Variants in STAG1 observed in about 807,000 individuals in gnomAD.
STAG1 encodes the protein STAG1 cohesin complex component.
In STAG1, 26 loss-of-function variants were observed where a neutral mutation model predicts 170.9. The observed-to-expected ratio is 0.15, with a 90% CI of 0.11 to 0.21. The LOEUF (loss-of-function observed/expected upper bound fraction) is 0.21, where lower values mean the gene tolerates loss of function less well. Ranked by LOEUF, STAG1 falls within the 10% of genes least tolerant of loss-of-function variation. The pLI is 1.00. For synonymous variants in STAG1, 514 were observed against 497.7 expected (o/e 1.03, Z -0.44); for missense variants, 964 against 1,509.5 (o/e 0.64, Z 5.99).
In STAG1 at chr3:136,466,879, C is replaced by T. The variant is rs149100486; in HGVS notation, c.1206-1891G>A. On this transcript the variant is annotated intron_variant, in intron 12 of 33. Coordinates refer to ENST00000383202, the MANE Select transcript of STAG1 (RefSeq NM_005862.3). ...TTCTTCAAGAAAAGAATTTTCAACC[C>T]AGAATTTCATATGCAGCCAAACTAA... Among the ~76,000 whole-genome samples the T allele has an allele frequency of 7.7e-3, 1,170 of 152,304 alleles. 19 individuals carry two copies. The highest frequency in any genetic ancestry group is 0.027 in the African/African-American group (1,138 of 41,558).
chr3:136,372,393 G>C (rs1418146853), intron 23 of STAG1, among the ~76,000 whole-genome samples: 1 of 152,178 alleles, frequency 6.6e-6, no homozygotes, highest in Non-Finnish European at 1.5e-5. Context: ...ATACTGAATA[G>C]GAGTGGTGAG....
rs150286213 is a variant in STAG1 at position 136,505,187 on chromosome 3, T to G, written c.677-2408A>C. 9.5e-4 allele frequency among the ~76,000 whole-genome samples: 144 copies of G among 152,336 alleles called. 2 individuals are homozygous for G. Among genetic ancestry groups the G allele is most frequent in the Admixed American group, 8.1e-3 (124 of 15,304 alleles). The stretch of plus-strand genomic sequence containing the variant: ...TTCCTGGTATTACTAAAAAAACCTT[T>G]TTGTAAGTTAATAATCCTGCAGGAA... On this transcript the variant is annotated intron_variant, in intron 7 of 33. Transcript: ENST00000383202.
intron 22 of STAG1, among the ~76,000 whole-genome samples, chr3:136,397,108 C>T (rs988317096): frequency 3.3e-5 from 5 of 152,130 alleles, no homozygotes; most frequent in Non-Finnish European, 7.4e-5. Context: ...ACTGGTTAAA[C>T]AGCTTGTTTT....
At chr3:136,459,592 A>T (rs2089218518) in intron 13 of STAG1, among the ~76,000 whole-genome samples, 1 of 152,200 alleles carries the variant, frequency 6.6e-6, no homozygotes, top group African/African-American at 2.4e-5. Context: ...AGCAAATGAA[A>T]TATTCTCCAG....
chr3:136,389,934 C>A (rs1397857958), intron 22 of STAG1, among the ~76,000 whole-genome samples: 2 of 151,538 alleles, frequency 1.3e-5, no homozygotes, highest in Admixed American at 1.3e-4. Flanking sequence ...CGGGTTCCAG[C>A]GATTCTTCTG....
chr3:136,496,539 C>A (rs1576531889), intron 9 of STAG1, among the ~76,000 whole-genome samples: 1 of 152,162 alleles, frequency 6.6e-6, no homozygotes, highest in East Asian at 1.9e-4. Flanking sequence ...AAATGCCATG[C>A]TTCAAAATAA....
chr3:136,524,661 C>T (rs1275804983), intron 6 of STAG1, among the ~76,000 whole-genome samples: 2 of 152,138 alleles, frequency 1.3e-5, no homozygotes, highest in African/African-American at 4.8e-5. Flanking sequence ...AGAGGGCATC[C>T]CTGTCTTGTG....
At chr3:136,423,623 A>T (rs1187481875) in intron 16 of STAG1, among the ~76,000 whole-genome samples, 1 of 152,238 alleles carries the variant, frequency 6.6e-6, no homozygotes, top group African/African-American at 2.4e-5. Context: ...CCAACATGTG[A>T]AACCACAGGT....
At position 136,477,424 on chromosome 3, in the gene STAG1, A is replaced by G. The variant is rs751622519; in HGVS notation, c.903-12T>C. ...CAGCAATAGCATCACTAGAGAGAGAAAAAAAAGACAATCTCAAATTAATAT... is the reference window on the plus strand; with the variant it reads ...CAGCAATAGCATCACTAGAGAGAGAGAAAAAAGACAATCTCAAATTAATAT... On this transcript the variant is annotated splice_polypyrimidine_tract_variant and intron_variant, in intron 9 of 33. Coordinates refer to ENST00000383202, the MANE Select transcript of STAG1 (RefSeq NM_005862.3). 94 of 1,587,668 alleles carry G rather than the reference A, an allele frequency of 5.9e-5. No homozygotes were observed. The South Asian group carries it at 7.1e-4, about 12-fold the overall frequency.
In STAG1 at chr3:136,692,421, G is replaced by C. The variant is rs545389905; in HGVS notation, c.-84+59774C>G. ...AGGCCAAGGTGGGCAGATCACCTGA[G>C]GTCAAGAGTTCGAGACCAGCCTGCT... is the stretch of plus-strand genomic sequence containing the variant. On this transcript the variant is annotated intron_variant, in intron 1 of 33. Transcript: ENST00000383202. Among the ~76,000 whole-genome samples, 12 of 151,634 alleles carry C rather than the reference G, an allele frequency of 7.9e-5. No individual in the cohort carries two copies. The East Asian group carries it at 2.1e-3, about 27-fold the overall frequency.
intron 6 of STAG1, among the ~76,000 whole-genome samples, chr3:136,522,571 T>C (rs1256716671): frequency 6.6e-6 from 1 of 152,142 alleles, no homozygotes; most frequent in African/African-American, 2.4e-5. Flanking sequence ...TTTTTAATTA[T>C]AATTATTTTT....
chr3:136,575,648 T>C (rs1225016399), intron 4 of STAG1, among the ~76,000 whole-genome samples: 1 of 152,216 alleles, frequency 6.6e-6, no homozygotes, highest in Non-Finnish European at 1.5e-5. Flanking sequence ...TTAGAACATC[T>C]GAATCACAGA....
intron 5 of STAG1, among the ~76,000 whole-genome samples, chr3:136,554,444 G>GT (rs1936526655): frequency 6.6e-6 from 1 of 152,182 alleles, no homozygotes; most frequent in Admixed American, 6.5e-5. Flanking sequence ...ATACGCATGA[G>GT]TTTTAAGGGC....
chr3:136,436,874 G>A (rs2088477441), intron 15 of STAG1, among the ~76,000 whole-genome samples: 1 of 152,026 alleles, frequency 6.6e-6, no homozygotes, highest in African/African-American at 2.4e-5. Flanking sequence ...TTTAACAATT[G>A]TCTTTTAAAA....
intron 28 of STAG1, among the ~76,000 whole-genome samples, chr3:136,354,597 C>T (rs1033497229): frequency 2.6e-5 from 4 of 151,452 alleles, no homozygotes; most frequent in Admixed American, 6.6e-5. Flanking sequence ...CCACTGCACT[C>T]GGCCAGTAAA....
intron 14 of STAG1, among the ~76,000 whole-genome samples, chr3:136,448,175 C>A (rs563013627): frequency 6.6e-6 from 1 of 152,242 alleles, no homozygotes; most frequent in South Asian, 2.1e-4. Context: ...GATTCCAATT[C>A]AACATTTTAT....
intron 1 of STAG1, among the ~76,000 whole-genome samples, chr3:136,742,500 G>A (rs186928544): frequency 6.6e-6 from 1 of 152,168 alleles, no homozygotes; most frequent in Non-Finnish European, 1.5e-5. Context: ...GATCCTTGAA[G>A]TCAGGAGTTC....
chr3:136,740,801 C>T (rs1352096347), intron 1 of STAG1, among the ~76,000 whole-genome samples: 1 of 152,148 alleles, frequency 6.6e-6, no homozygotes, highest in East Asian at 1.9e-4. Context: ...TACACACACA[C>T]ATATTCACCA....
intron 15 of STAG1, among the ~76,000 whole-genome samples, chr3:136,435,879 ATGC>A (rs1227868205): frequency 6.6e-6 from 1 of 151,838 alleles, no homozygotes; most frequent in African/African-American, 2.4e-5. Context: ...CATCTTGGCC[ATGC>A]TGGTCTTGAA....
Sources: allele counts gnomAD v4.1 joint callset (sites outside exome capture counted in the v4.1 genomes callset), GRCh38; gene constraint gnomAD v4.1.1; transcripts MANE v1.5; gene names NCBI Gene and HGNC (gene_info 2026-07-23, HGNC 2026-07-21).